The following CCSER1 variants were observed in gnomAD, a reference collection of about 807,000 sequenced individuals.
The protein encoded by CCSER1 is coiled-coil serine rich protein 1, also known as serine-rich coiled-coil domain-containing protein 1.
CCSER1 carries 41 observed loss-of-function variants against 82.0 expected under a neutral mutation model. That is an observed-to-expected ratio of 0.50 (90% CI 0.39 to 0.65). The LOEUF is 0.65. Among genes scored for constraint, CCSER1 ranks in the 30% least tolerant of loss-of-function variants. The probability of loss-of-function intolerance (pLI) is 0.00; values close to 1 mark genes in which losing one functional copy is unlikely to be tolerated. For synonymous variants in CCSER1, 414 were observed against 383.9 expected, an observed-to-expected ratio of 1.08 and a Z score of -0.92; for missense variants, 1,119 against 1,064.2, an observed-to-expected ratio of 1.05 and a Z score of -0.72.
At chr4:90,850,402 A>G (rs183292168) in intron 8 of CCSER1, among the ~76,000 whole-genome samples, 1 of 152,310 alleles carries the variant, frequency 6.6e-6, no homozygotes, top group Non-Finnish European at 1.5e-5. Flanking sequence ...GCACCTGGAA[A>G]AGCTGCAAAC....
intron 1 of CCSER1, among the ~76,000 whole-genome samples, chr4:90,240,269 G>T (rs962536166): frequency 6.6e-6 from 1 of 152,144 alleles, no homozygotes; most frequent in African/African-American, 2.4e-5. Context: ...GACTCAGGAG[G>T]ACTGCCAGAG....
chr4:91,337,806 G>A (rs1578217817), intron 10 of CCSER1, among the ~76,000 whole-genome samples: 1 of 152,110 alleles, frequency 6.6e-6, no homozygotes, highest in Middle Eastern at 3.4e-3. Flanking sequence ...AATATATCAG[G>A]GTTTAATAAT....
At chr4:90,842,042 T>G (rs1452986137) in intron 8 of CCSER1, among the ~76,000 whole-genome samples, 2 of 152,224 alleles carry the variant, frequency 1.3e-5, no homozygotes, top group Non-Finnish European at 2.9e-5. Flanking sequence ...TTTTTTCCCA[T>G]TAAAAAACAC....
At chr4:91,156,472 T>A (rs1730828774) in intron 10 of CCSER1, among the ~76,000 whole-genome samples, 1 of 151,842 alleles carries the variant, frequency 6.6e-6, no homozygotes, top group Admixed American at 6.5e-5. Context: ...ATTTCTCATA[T>A]TTATTCTCCT....
At chr4:91,527,350 T>C (rs933484234) in intron 10 of CCSER1, among the ~76,000 whole-genome samples, 6 of 152,166 alleles carry the variant, frequency 3.9e-5, no homozygotes, top group African/African-American at 1.4e-4. Context: ...AATTTTACTT[T>C]CACTACTGAT....
chr4:90,964,587 T>C (rs933810777), intron 9 of CCSER1, among the ~76,000 whole-genome samples: 2 of 151,434 alleles, frequency 1.3e-5, no homozygotes, highest in Non-Finnish European at 2.9e-5. Flanking sequence ...TAGCTGGGTG[T>C]GGTGGCAGGC....
intron 7 of CCSER1, among the ~76,000 whole-genome samples, chr4:90,795,617 C>T (rs4407466): frequency 0.35 from 52,891 of 151,986 alleles, 9,559 homozygotes; most frequent in African/African-American, 0.46. Context: ...TTCAGTGTAG[C>T]GTTGGCTGTG....
intron 10 of CCSER1, among the ~76,000 whole-genome samples, chr4:91,421,402 A>C (rs1277562217): frequency 6.6e-6 from 1 of 152,172 alleles, no homozygotes; most frequent in South Asian, 2.1e-4. Context: ...TCGTGGGTGT[A>C]AGTCCTGAAA....
chr4:91,157,960 T>G (rs892733720), intron 10 of CCSER1, among the ~76,000 whole-genome samples: 2 of 152,022 alleles, frequency 1.3e-5, no homozygotes, highest in Non-Finnish European at 2.9e-5. Context: ...GGATTTGTAC[T>G]AAATTACAGA....
intron 10 of CCSER1, among the ~76,000 whole-genome samples, chr4:91,366,403 CTG>C (rs1560615349): frequency 1.3e-5 from 2 of 152,156 alleles, no homozygotes; most frequent in Non-Finnish European, 2.9e-5. Context: ...TACCATTTAT[CTG>C]TAAATATTTT....
intron 3 of CCSER1, among the ~76,000 whole-genome samples, chr4:90,354,911 T>C (rs577935020): frequency 1.5e-3 from 222 of 152,148 alleles, no homozygotes; most frequent in African/African-American, 5.2e-3. Flanking sequence ...GTGGTGGTGG[T>C]GGTTGTGTTT....
At chr4:90,576,309 C>T (rs1780761638) in intron 5 of CCSER1, among the ~76,000 whole-genome samples, 1 of 152,142 alleles carries the variant, frequency 6.6e-6, no homozygotes, top group South Asian at 2.1e-4. Context: ...ACCACAGACT[C>T]TCCCACTACC....
chr4:91,034,581 G>A (rs1266072676), intron 9 of CCSER1, among the ~76,000 whole-genome samples: 1 of 152,022 alleles, frequency 6.6e-6, no homozygotes, highest in Non-Finnish European at 1.5e-5. Flanking sequence ...ATTTATTGGA[G>A]CGAATTATGG....
At chr4:90,132,749 C>A (rs894158571) in intron 1 of CCSER1, among the ~76,000 whole-genome samples, 26 of 152,160 alleles carry the variant, frequency 1.7e-4, no homozygotes, top group African/African-American at 6.0e-4. Context: ...TGGCCCTATA[C>A]CTGGAATAAC....
intron 10 of CCSER1, among the ~76,000 whole-genome samples, chr4:91,380,059 G>C (rs550458772): frequency 6.6e-6 from 1 of 152,258 alleles, no homozygotes; most frequent in East Asian, 1.9e-4. Context: ...GAGCAGTTTT[G>C]AGTGAGTTTC....
intron 10 of CCSER1, among the ~76,000 whole-genome samples, chr4:91,286,145 A>T (rs1451473163): frequency 6.6e-6 from 1 of 151,758 alleles, no homozygotes; most frequent in Non-Finnish European, 1.5e-5. Flanking sequence ...AATAATTTGA[A>T]ATGGAATTTA....
intron 8 of CCSER1, among the ~76,000 whole-genome samples, chr4:90,880,620 G>A (rs887806017): frequency 2.0e-5 from 3 of 152,184 alleles, no homozygotes; most frequent in African/African-American, 7.2e-5. Context: ...GAGTTGCCAA[G>A]TTTCTACTCA....
At chr4:90,538,379 T>C (rs1289540416) in intron 5 of CCSER1, among the ~76,000 whole-genome samples, 1 of 152,150 alleles carries the variant, frequency 6.6e-6, no homozygotes, top group African/African-American at 2.4e-5. Flanking sequence ...TTTTCTTAAA[T>C]GTAGAATTTG....
chr4:90,992,247 T>C (rs1241389915), intron 9 of CCSER1, among the ~76,000 whole-genome samples: 2 of 152,064 alleles, frequency 1.3e-5, no homozygotes, highest in African/African-American at 2.4e-5. Flanking sequence ...AATGTTTCAA[T>C]CACACTTTGA....
Sources: allele counts gnomAD v4.1 joint callset (sites outside exome capture counted in the v4.1 genomes callset), GRCh38; gene constraint gnomAD v4.1.1; transcripts MANE v1.5; gene names NCBI Gene and HGNC (gene_info 2026-07-23, HGNC 2026-07-21).